CADPS: variants seen among roughly 807,000 people sequenced by gnomAD.
CADPS encodes calcium-dependent secretion activator 1.
In CADPS, 57 loss-of-function variants were observed where a neutral mutation model predicts 167.3. The observed-to-expected ratio is 0.34, with a 90% CI of 0.28 to 0.42. The LOEUF (loss-of-function observed/expected upper bound fraction) is 0.42, where lower values mean the gene tolerates loss of function less well. CADPS is among the 20% of genes least tolerant of loss of function. The probability of loss-of-function intolerance (pLI) is 1.00; values close to 1 mark genes in which losing one functional copy is unlikely to be tolerated. For missense variants in CADPS, 1,414 were observed against 1,738.1 expected (o/e 0.81, Z 3.32); for synonymous variants, 676 against 635.3 (o/e 1.06, Z -0.96).
intron 1 of CADPS, among the ~76,000 whole-genome samples, chr3:62,821,077 G>A (rs2152931371): frequency 6.6e-6 from 1 of 152,240 alleles, no homozygotes; most frequent in Non-Finnish European, 1.5e-5. Flanking sequence ...GGGATTACAG[G>A]CGTAAGCCAC....
At chr3:62,522,801 C>G (rs1210318718) in intron 13 of CADPS, among the ~76,000 whole-genome samples, 1 of 152,102 alleles carries the variant, frequency 6.6e-6, no homozygotes, top group Admixed American at 6.5e-5. Flanking sequence ...TGGCTAACAA[C>G]TCGCTTCTTT....
At chr3:62,559,434 C>T (rs1033353490) in intron 9 of CADPS, among the ~76,000 whole-genome samples, 1 of 151,964 alleles carries the variant, frequency 6.6e-6, no homozygotes, top group Non-Finnish European at 1.5e-5. Flanking sequence ...CTAGGGATAA[C>T]AGATTTCCTG....
chr3:62,434,799 C>T (rs1467195957), intron 28 of CADPS, among the ~76,000 whole-genome samples: 1 of 152,116 alleles, frequency 6.6e-6, no homozygotes, highest in Non-Finnish European at 1.5e-5. Context: ...AATACAAACA[C>T]ACACTAAAAC....
rs762263029 is a variant in CADPS at position 62,650,976 on chromosome 3, C to T, written c.1074G>A (p.Pro358=). 3.1e-5 allele frequency: 50 copies of T among 1,613,926 alleles called. No homozygotes were observed. The highest frequency in any genetic ancestry group is 1.6e-4 in the Middle Eastern group (1 of 6,084). Residue 358 remains proline (P), a synonymous_variant, in exon 5 of 30, where the codon CCG becomes CCA. Transcript: ENST00000383710. ...GCTTGAACTCCCCGCCTTTGGATAC[C>T]GGCATGCTCTCCAAGTTGGCCATGA... ...NLLMANLESM[P]VSKGGEFKLQ...
chr3:62,581,447 A>T (rs759287696), intron 8 of CADPS, among the ~76,000 whole-genome samples: 4 of 142,246 alleles, frequency 2.8e-5, no homozygotes, highest in Non-Finnish European at 6.0e-5. Flanking sequence ...TGGTTAGAAA[A>T]TTAAAAAAAA....
chr3:62,712,089 G>A (rs2083504730), intron 3 of CADPS, among the ~76,000 whole-genome samples: 1 of 152,080 alleles, frequency 6.6e-6, no homozygotes, highest in Non-Finnish European at 1.5e-5. Flanking sequence ...GGTATTGTAT[G>A]AAAATTTTAA....
chr3:62,487,995 G>C (rs1561104003), intron 21 of CADPS, among the ~76,000 whole-genome samples: 1 of 152,110 alleles, frequency 6.6e-6, no homozygotes, highest in South Asian at 2.1e-4. Context: ...TTATAACGAG[G>C]TGCTTATAAA....
At chr3:62,744,517 A>G (rs1185420959) in intron 3 of CADPS, among the ~76,000 whole-genome samples, 1 of 152,176 alleles carries the variant, frequency 6.6e-6, no homozygotes, top group African/African-American at 2.4e-5. Context: ...TAGCATGGGG[A>G]ATCTGGACTG....
chr3:62,419,688 T>G (rs959809098), intron 28 of CADPS, among the ~76,000 whole-genome samples: 2 of 152,150 alleles, frequency 1.3e-5, no homozygotes, highest in African/African-American at 4.8e-5. Flanking sequence ...CCCTGATCGC[T>G]TCTTAGGTAT....
intron 1 of CADPS, among the ~76,000 whole-genome samples, chr3:62,831,910 T>C (rs1445928831): frequency 1.3e-5 from 2 of 152,194 alleles, no homozygotes; most frequent in Non-Finnish European, 1.5e-5. Context: ...AAAACAGGGA[T>C]ACAGACTAGT....
rs974756151 is a variant in CADPS at position 62,626,422 on chromosome 3, A to C, written c.1325+19300T>G. On this transcript the variant is annotated intron_variant, in intron 6 of 29. Transcript: ENST00000383710. ...GAGTGTAAACCAGGGAAATACACAG[A>C]CTATAGTGAAATTATTCAGTAAACA... 1.3e-5 allele frequency: 9 copies of C among 687,636 alleles called. No homozygotes were observed. The African/African-American group carries it at 1.6e-4, about 12-fold the overall frequency. The allele number at this position is 687,636 out of a possible 1,614,324, so 42.6% of individuals were successfully genotyped here.
chr3:62,832,029 T>C (rs2152992479), intron 1 of CADPS, among the ~76,000 whole-genome samples: 1 of 152,308 alleles, frequency 6.6e-6, no homozygotes, highest in East Asian at 1.9e-4. Flanking sequence ...TATGTATCTG[T>C]CTCTTTCCTT....
intron 9 of CADPS, among the ~76,000 whole-genome samples, chr3:62,559,992 C>G (rs1414455436): frequency 7.1e-6 from 1 of 140,228 alleles, no homozygotes; most frequent in East Asian, 2.1e-4. Flanking sequence ...TTTTTTTTTC[C>G]TTTTCTATTT....
At chr3:62,740,482 T>C (rs889405633) in intron 3 of CADPS, among the ~76,000 whole-genome samples, 1 of 152,220 alleles carries the variant, frequency 6.6e-6, no homozygotes, top group African/African-American at 2.4e-5. Context: ...ACACTTATGA[T>C]ACAAATTTGT....
At chr3:62,779,678 C>T (rs2091169308) in intron 1 of CADPS, 1 of 512,158 alleles carries the variant, frequency 2.0e-6, no homozygotes. Context: ...GTCCACCGAC[C>T]AAAGCCCCAT....
rs571211192 is a variant in CADPS, at chr3:62,592,534, C to CCTCT, written c.1437+99_1437+102dup. On this transcript the variant is annotated intron_variant, in intron 7 of 29. Coordinates refer to ENST00000383710, the MANE Select transcript of CADPS (RefSeq NM_003716.4). ...CCAGGACTTAATGTTCAAAACTGAG[C>CCTCT]CTCTCAGCACTTGGCAATGCTGCCT... The CCTCT allele has an allele frequency of 4.9e-3, 4,019 of 818,558 alleles. 37 individuals carry two copies. Among genetic ancestry groups the CCTCT allele is most frequent in the South Asian group, 0.021 (1,315 of 62,014 alleles). 50.7% of individuals were successfully genotyped at this position (818,558 alleles called of 1,614,324 possible). A position where few individuals can be genotyped will look rare whatever the true frequency, so the allele number is the denominator to read the frequency against.
chr3:62,598,549 T>C (rs2059249663), intron 6 of CADPS, among the ~76,000 whole-genome samples: 1 of 152,238 alleles, frequency 6.6e-6, no homozygotes, highest in South Asian at 2.1e-4. Flanking sequence ...TTATTCAGAT[T>C]ACTATGTGCT....
chr3:62,430,230 ATG>A (rs1425237834), intron 28 of CADPS, among the ~76,000 whole-genome samples: 1 of 152,214 alleles, frequency 6.6e-6, no homozygotes, highest in African/African-American at 2.4e-5. Flanking sequence ...TCCCAAGTCC[ATG>A]TGGAATGGAA....
chr3:62,616,842 T>A (rs1438809037), intron 6 of CADPS, among the ~76,000 whole-genome samples: 2 of 152,202 alleles, frequency 1.3e-5, no homozygotes, highest in African/African-American at 2.4e-5. Context: ...CTATATATTG[T>A]TATTATGCCC....
Sources: allele counts gnomAD v4.1 joint callset (sites outside exome capture counted in the v4.1 genomes callset), GRCh38; gene constraint gnomAD v4.1.1; transcripts MANE v1.5; gene names NCBI Gene and HGNC (gene_info 2026-07-23, HGNC 2026-07-21).